The following ATPAF1 variants were observed in gnomAD, a reference collection of about 807,000 sequenced individuals.
ATPAF1 encodes homolog of yeast ATP11.
ATPAF1 carries 26 observed loss-of-function variants against 43.9 expected under a neutral mutation model. The ratio of observed to expected loss-of-function variants is 0.59; its 90% CI spans 0.43 to 0.82. The LOEUF is 0.82. ATPAF1 is among the 40% of genes least tolerant of loss of function. ATPAF1 has a pLI of 0.00. For missense variants in ATPAF1, 366 were observed against 435.0 expected (o/e 0.84, Z 1.41); for synonymous variants, 157 against 168.0 (o/e 0.93, Z 0.50).
intron 2 of ATPAF1, among the ~76,000 whole-genome samples, chr1:46,662,092 C>T (rs657166): frequency 0.14 from 21,240 of 151,698 alleles, 3,807 homozygotes; most frequent in East Asian, 0.4. Context: ...GAAGGGGTTT[C>T]ACCGTGTTAG....
intron 2 of ATPAF1, among the ~76,000 whole-genome samples, chr1:46,658,976 G>T (rs1415456277): frequency 6.6e-6 from 1 of 152,102 alleles, no homozygotes; most frequent in Non-Finnish European, 1.5e-5. Flanking sequence ...AGAATCATAA[G>T]GTCAGGAGTT....
intron 4 of ATPAF1, among the ~76,000 whole-genome samples, chr1:46,655,106 G>T (rs1232751390): frequency 6.6e-6 from 1 of 152,118 alleles, no homozygotes; most frequent in East Asian, 1.9e-4. Context: ...AAAACCATCA[G>T]ATCTCGTGAG....
At chr1:46,667,416 A>C (rs1459575525) in intron 1 of ATPAF1, among the ~76,000 whole-genome samples, 1 of 152,134 alleles carries the variant, frequency 6.6e-6, no homozygotes, top group Non-Finnish European at 1.5e-5. Flanking sequence ...TATGCACCTT[A>C]AGCCCCTCTA....
chr1:46,663,641 G>C (rs1336429443), intron 2 of ATPAF1, among the ~76,000 whole-genome samples: 2 of 150,352 alleles, frequency 1.3e-5, no homozygotes, highest in Non-Finnish European at 3.0e-5. Flanking sequence ...TTTTTTTCTT[G>C]TAAATTTGTT....
At chr1:46,663,628 T>A (rs541178958) in intron 2 of ATPAF1, among the ~76,000 whole-genome samples, 30 of 82,204 alleles carry the variant, frequency 3.6e-4, no homozygotes, top group African/African-American at 1.1e-3. Context: ...TTTGATGGGG[T>A]TTTTTTTTTC....
intron 6 of ATPAF1, among the ~76,000 whole-genome samples, chr1:46,649,157 C>CAAAAA (rs35432914): frequency 9.5e-6 from 1 of 104,770 alleles, no homozygotes; most frequent in Non-Finnish European, 1.9e-5. Flanking sequence ...AGCTCCGTCT[C>CAAAAA]AAAAAAAAAA....
intron 2 of ATPAF1, among the ~76,000 whole-genome samples, chr1:46,661,122 G>C (rs1341479901): frequency 6.6e-6 from 1 of 151,464 alleles, no homozygotes; most frequent in Non-Finnish European, 1.5e-5. Context: ...GCCCACGCTG[G>C]AGTGCAGTGG....
chr1:46,653,033 T>TA lies in ATPAF1; in HGVS notation c.541-406dup, dbSNP rs891162384. ...ATAAGGGTATATATATATGAGAGAT[T>TA]AAAAAAAAAGATAGCGATACCATCA... On this transcript the variant is annotated intron_variant, in intron 5 of 8. Coordinates refer to ENST00000574428, the Ensembl canonical transcript of ATPAF1. The surrounding 1 kb of genome is among the most constrained non-coding windows in gnomAD (Gnocchi z 4.8). Among the ~76,000 whole-genome samples, 17 of 150,930 alleles carry TA rather than the reference T, an allele frequency of 1.1e-4. No homozygotes were observed. Among genetic ancestry groups the TA allele is most frequent in the African/African-American group, 3.4e-4 (14 of 41,194 alleles).
chr1:46,668,360 G>T lies in ATPAF1; in HGVS notation c.-38C>A. On this transcript the variant is annotated 5_prime_UTR_variant, in exon 1 of 9. Transcript: ENST00000574428. This position sits in a 1 kb window ranked among gnomAD's most constrained non-coding sequence, Gnocchi z 4.4. ...CTCCTCCTCCTCCTCAGGCGCGTCG[G>T]CCTCGGCCCGCGGCCCGCGCGCCCG... is the stretch of plus-strand genomic sequence containing the variant. 1 of 1,289,580 alleles carries T rather than the reference G, an allele frequency of 7.8e-7. No homozygotes were observed. Among genetic ancestry groups the T allele is most frequent in the Non-Finnish European group, 9.8e-7 (1 of 1,017,448 alleles). 79.9% of individuals were successfully genotyped at this position (1,289,580 alleles called of 1,614,324 possible).
intron 2 of ATPAF1, among the ~76,000 whole-genome samples, chr1:46,660,602 G>A (rs1412122310): frequency 6.6e-6 from 1 of 152,082 alleles, no homozygotes; most frequent in Non-Finnish European, 1.5e-5. Context: ...GACAATTTTA[G>A]TGATGTTAAA....
chr1:46,666,224 G>A (rs1381752953), intron 1 of ATPAF1: 2 of 205,424 alleles, frequency 9.7e-6, no homozygotes, highest in Non-Finnish European at 1.0e-5. Context: ...TCCCTTCACT[G>A]TCATGTAGAT....
At chr1:46,666,160 T>C (rs1473649541) in intron 1 of ATPAF1, 2 of 189,346 alleles carry the variant, frequency 1.1e-5, no homozygotes, top group South Asian at 1.2e-4. Flanking sequence ...CAATGCATTA[T>C]AGGGGGCCCC....
chr1:46,643,110 T>C (rs1675978400), intron 8 of ATPAF1, 84 bp downstream of exon 8: 2 of 1,127,544 alleles, frequency 1.8e-6, no homozygotes, highest in East Asian at 2.4e-5. Context: ...TCTTTGAAAT[T>C]TTCTCTCTCA....
chr1:46,665,820 C>CT, intron 1 of ATPAF1: 1 of 1,436,358 alleles, frequency 7.0e-7, no homozygotes, highest in Non-Finnish European at 9.1e-7. Context: ...GATTCAGAGG[C>CT]TTTAGGTAGC....
chr1:46,633,167 A>G (rs914961457), downstream of ATPAF1: 2 of 153,744 alleles, frequency 1.3e-5, no homozygotes, highest in African/African-American at 4.8e-5. Flanking sequence ...AGGCCTGAGA[A>G]TCTGCATTTT....
intron 3 of ATPAF1, 37 bp from the exon 4 acceptor site, chr1:46,658,226 T>TAAAA: frequency 6.0e-5 from 69 of 1,145,014 alleles, no homozygotes; most frequent in Admixed American, 1.5e-4. Context: ...AACACATAAT[T>TAAAA]AAAAAAAAAA....
chr1:46,658,698 T>G (rs141014522), exon 3 of ATPAF1: 1 of 1,602,214 alleles, frequency 6.2e-7, no homozygotes, highest in Non-Finnish European at 8.5e-7. Flanking sequence ...TTGTCCTTAG[T>G]GAATCCTCTG....
At chr1:46,637,758 G>C (rs538341254) in intron 8 of ATPAF1, among the ~76,000 whole-genome samples, 2 of 152,250 alleles carry the variant, frequency 1.3e-5, no homozygotes, top group African/African-American at 4.8e-5. Flanking sequence ...CAAAAAGCTG[G>C]CTACTTCAAA....
intron 2 of ATPAF1, among the ~76,000 whole-genome samples, chr1:46,663,624 G>A (rs923083221): frequency 7.2e-6 from 1 of 139,582 alleles, no homozygotes; most frequent in African/African-American, 2.5e-5. Context: ...ACTTTTTGAT[G>A]GGGTTTTTTT....
Sources: allele counts gnomAD v4.1 joint callset (sites outside exome capture counted in the v4.1 genomes callset), GRCh38; gene constraint gnomAD v4.1.1; non-coding constraint Gnocchi (gnomAD v3.1); transcripts MANE v1.5; gene names NCBI Gene and HGNC (gene_info 2026-07-23, HGNC 2026-07-21).